AMPD3: variants seen among roughly 807,000 people sequenced by gnomAD.
The protein encoded by AMPD3 is adenosine monophosphate deaminase 3.
In AMPD3, 57 loss-of-function variants were observed where a neutral mutation model predicts 82.3. That is an observed-to-expected ratio of 0.69 (90% CI 0.56 to 0.86). The LOEUF (loss-of-function observed/expected upper bound fraction) is 0.86, where lower values mean the gene tolerates loss of function less well. AMPD3 is among the 40% of genes least tolerant of loss of function. The probability of loss-of-function intolerance (pLI) is 0.00; values close to 1 mark genes in which losing one functional copy is unlikely to be tolerated. For missense variants in AMPD3, 870 were observed against 1,003.8 expected, an observed-to-expected ratio of 0.87 and a Z score of 1.80; for synonymous variants, 381 against 394.7, an observed-to-expected ratio of 0.97 and a Z score of 0.41.
chr11:10,497,536 G>A (rs1022194641), intron 10 of AMPD3: 6 of 978,890 alleles, frequency 6.1e-6, no homozygotes, highest in East Asian at 1.1e-4. Context: ...ACAGGCCAGT[G>A]CCTGGTGATG....
chr11:10,488,533 C>T, intron 6 of AMPD3: 5 of 650,050 alleles, frequency 7.7e-6, no homozygotes, highest in Non-Finnish European at 9.5e-6. Flanking sequence ...GGTTGGAGCT[C>T]AGGCATTGGG....
intron 5 of AMPD3, chr11:10,486,906 C>T (rs1591470103): frequency 1.0e-6 from 1 of 985,412 alleles, no homozygotes. Flanking sequence ...CTTACTTCAG[C>T]CTTGGGTGTT....
At chr11:10,490,761 C>T (rs11042849) in intron 6 of AMPD3, among the ~76,000 whole-genome samples, 8,490 of 152,214 alleles carry the variant, frequency 0.056, 314 homozygotes, top group Non-Finnish European at 0.084. Flanking sequence ...GCCCAGAATC[C>T]GCTGAGTCAT....
At position 10,456,309 on chromosome 11, in the gene AMPD3, T is replaced by TG. The variant is rs1451892224; in HGVS notation, c.-6+862dup. ...GACCCAGCCAGCTGCACGCACGCAC[T>TG]GACTCAGCTGAGCCTCCTGGGTGGC... On this transcript the variant is annotated intron_variant, in intron 1 of 14. Coordinates refer to ENST00000396553, the MANE Select transcript of AMPD3 (RefSeq NM_001025389.2). The surrounding 1 kb of genome is among the most constrained non-coding windows in gnomAD (Gnocchi z 4.3). 8.7e-6 allele frequency: 14 copies of TG among 1,607,362 alleles called. No individual in the cohort carries two copies. The highest frequency in any genetic ancestry group is 1.1e-5 in the Non-Finnish European group (13 of 1,175,516).
intron 10 of AMPD3, among the ~76,000 whole-genome samples, chr11:10,497,925 C>G (rs973447704): frequency 6.6e-6 from 1 of 152,176 alleles, no homozygotes; most frequent in Admixed American, 6.5e-5. Context: ...GTGCTTGGTG[C>G]GTGTTGGACA....
rs778522897 is a variant in AMPD3, at chr11:10,502,734, A to C, written c.1856A>C (p.Gln619Pro). ...GLLLKKSPVLQYLYYLAQIPI... is the reference protein window; with the variant it reads ...GLLLKKSPVLPYLYYLAQIPI... ...GTTCTTTTGCAGAGTCCGGTATTGC[A>C]GTATCTCTACTACCTTGCTCAGATC... The change falls in exon 13 of 15, where the codon CAG (glutamine) becomes CCG (proline). Residue 619 changes from glutamine (Q) to proline (P), a missense_variant. By Grantham distance (76) the Gln-to-Pro change is moderately conservative. Transcript: ENST00000396553. 8.7e-6 allele frequency: 14 copies of C among 1,614,004 alleles called. No homozygotes were observed. The highest frequency in any genetic ancestry group is 1.2e-5 in the Non-Finnish European group (14 of 1,180,020).
At chr11:10,488,749 G>T (rs1339588025) in intron 6 of AMPD3, among the ~76,000 whole-genome samples, 1 of 152,152 alleles carries the variant, frequency 6.6e-6, no homozygotes. Context: ...GTCACAGTGG[G>T]GTTGCCATCT....
upstream of AMPD3, chr11:10,451,128 G>T (rs1247875647): frequency 1.3e-5 from 20 of 1,523,370 alleles, no homozygotes; most frequent in Non-Finnish European, 1.8e-5. Flanking sequence ...GCGCCCTGGG[G>T]TCTGAACCGC....
chr11:10,480,468 C>A (rs1260641565), intron 3 of AMPD3, among the ~76,000 whole-genome samples: 1 of 152,092 alleles, frequency 6.6e-6, no homozygotes, highest in Admixed American at 6.5e-5. Context: ...CATTTGGAGG[C>A]AGGAAAGGAG....
intron 3 of AMPD3, among the ~76,000 whole-genome samples, chr11:10,479,201 A>G (rs1848832706): frequency 6.6e-6 from 1 of 152,202 alleles, no homozygotes; most frequent in South Asian, 2.1e-4. Context: ...CCAGGAAGAG[A>G]GAATCTTGTT....
intron 4 of AMPD3, among the ~76,000 whole-genome samples, chr11:10,483,627 C>T (rs11042840): frequency 0.7 from 106,196 of 152,212 alleles, 37,185 homozygotes; most frequent in Admixed American, 0.76. Flanking sequence ...TAGCTTCACC[C>T]GGGCCTTGAA....
chr11:10,478,577 G>A lies in AMPD3; in HGVS notation c.273G>A (p.Pro91=), dbSNP rs761664696. 3.0e-5 allele frequency: 48 copies of A among 1,614,028 alleles called. No individual in the cohort carries two copies. Among genetic ancestry groups the A allele is most frequent in the South Asian group, 8.8e-5 (8 of 91,080 alleles). The part of the protein sequence containing the change: ...IRSQSLSLQM[P]PQQDWKGPPA... ...CCCAGTCCCTGTCTCTGCAAATGCCGCCACAGCAAGATTGGAAGGGCCCCC... is the reference window on the plus strand; with the variant it reads ...CCCAGTCCCTGTCTCTGCAAATGCCACCACAGCAAGATTGGAAGGGCCCCC... The change falls in exon 3 of 15, where the codon CCG becomes CCA. Residue 91 remains proline, a synonymous_variant. Coordinates refer to ENST00000396553, the MANE Select transcript of AMPD3 (RefSeq NM_001025389.2).
upstream of AMPD3, among the ~76,000 whole-genome samples, chr11:10,452,590 T>C (rs139640230): frequency 3.9e-5 from 6 of 152,238 alleles, no homozygotes; most frequent in African/African-American, 1.4e-4. Context: ...TAATAGAAAC[T>C]TGGGAGAGTG....
At chr11:10,451,310 G>T (rs796902857), upstream of AMPD3, among the ~76,000 whole-genome samples, 7 of 152,260 alleles carry the variant, frequency 4.6e-5, no homozygotes, top group African/African-American at 1.4e-4. Context: ...GAATGGAATC[G>T]CAAGGTTTAG....
chr11:10,460,072 T>A (rs1848220359), intron 1 of AMPD3, among the ~76,000 whole-genome samples: 1 of 142,310 alleles, frequency 7.0e-6, no homozygotes, highest in African/African-American at 2.6e-5. Flanking sequence ...ATATTATATA[T>A]AATATATATT....
chr11:10,463,384 C>G (rs776595092), intron 2 of AMPD3, among the ~76,000 whole-genome samples: 3 of 152,184 alleles, frequency 2.0e-5, no homozygotes, highest in Admixed American at 6.5e-5. Flanking sequence ...GAGTGCCAGC[C>G]TTGTGTTGGA....
At chr11:10,503,011 C>A (rs890134120) in intron 13 of AMPD3, 117 bp downstream of exon 13, 5 of 1,217,656 alleles carry the variant, frequency 4.1e-6, no homozygotes, top group Non-Finnish European at 4.7e-6. Flanking sequence ...GGGTTGGTGG[C>A]CCAGTGAAGG....
At chr11:10,452,369 TTCTGTATGCTGGTTGCATA>T (rs913850981), upstream of AMPD3, among the ~76,000 whole-genome samples, 2 of 152,180 alleles carry the variant, frequency 1.3e-5, no homozygotes, top group African/African-American at 4.8e-5. Flanking sequence ...CTCTTAGTTC[TTCTGTATGCTGGTTGCATA>T]TCTAGGACAA....
intron 1 of AMPD3, among the ~76,000 whole-genome samples, chr11:10,458,919 C>T (rs5029459): frequency 0.14 from 21,289 of 151,976 alleles, 1,623 homozygotes; most frequent in African/African-American, 0.18. Context: ...TGGGATGGTG[C>T]CCTTGATTGG....
Sources: gnomAD v4.1 joint callset for allele counts (sites outside exome capture counted in the v4.1 genomes callset) on GRCh38, gnomAD v4.1.1 for gene constraint, Gnocchi (gnomAD v3.1) non-coding constraint, MANE v1.5 for transcripts, NCBI Gene and HGNC (gene_info 2026-07-23, HGNC 2026-07-21) for gene names.